Variants in ATXN7 observed in about 807,000 individuals in gnomAD.
ATXN7 encodes ataxin-7.
Under a neutral mutation model 70.5 loss-of-function variants are expected in ATXN7, and 12 were observed. That is an observed-to-expected ratio of 0.17 (90% confidence interval 0.11 to 0.28). The LOEUF (loss-of-function observed/expected upper bound fraction) is 0.28, where lower values mean the gene tolerates loss of function less well. Among genes scored for constraint, ATXN7 ranks in the 10% least tolerant of loss-of-function variants. The probability of loss-of-function intolerance (pLI) is 1.00; values close to 1 mark genes in which losing one functional copy is unlikely to be tolerated. For synonymous variants in ATXN7, 498 were observed against 448.7 expected (o/e 1.11, Z -1.39); for missense variants, 1,256 against 1,131.7 (o/e 1.11, Z -1.58).
intron 4 of ATXN7, among the ~76,000 whole-genome samples, chr3:63,919,796 A>G (rs999281158): frequency 2.4e-5 from 3 of 126,376 alleles, no homozygotes; most frequent in Non-Finnish European, 3.1e-5. Context: ...TTTTTATGGC[A>G]TACACCTGGT....
rs189389331 is a variant in ATXN7 at position 63,890,979 on chromosome 3, A to G, written c.-110-7420A>G. Among the ~76,000 whole-genome samples the G allele has an allele frequency of 2.0e-5, 3 of 152,052 alleles. No individual in the cohort carries two copies. In the East Asian group the frequency reaches 5.8e-4, roughly 29 times the overall value. On this transcript the variant is annotated intron_variant, in intron 1 of 12. Transcript: ENST00000674280. ...CTAGCCCAGAAGTGTGGCACCCAAC[A>G]TTTCTTTTTTTATTTTATTTTATTT...
chr3:63,914,911 T>C (rs553127952), intron 4 of ATXN7, among the ~76,000 whole-genome samples: 1 of 152,234 alleles, frequency 6.6e-6, no homozygotes, highest in African/African-American at 2.4e-5. Context: ...ACATGGATCT[T>C]GTTAGTGTTT....
chr3:63,937,977 T>C (rs531314952), intron 4 of ATXN7, among the ~76,000 whole-genome samples: 1 of 152,314 alleles, frequency 6.6e-6, no homozygotes, highest in South Asian at 2.1e-4. Flanking sequence ...ATGTTTGACA[T>C]GGTAGCTGTT....
At chr3:63,930,438 A>T (rs1204277722) in intron 4 of ATXN7, among the ~76,000 whole-genome samples, 1 of 152,172 alleles carries the variant, frequency 6.6e-6, no homozygotes, top group Non-Finnish European at 1.5e-5. Context: ...GGCCTTGGCC[A>T]TGATTCTGTC....
chr3:63,983,417 A>G (rs1259039137), intron 8 of ATXN7, among the ~76,000 whole-genome samples: 1 of 152,212 alleles, frequency 6.6e-6, no homozygotes, highest in Non-Finnish European at 1.5e-5. Context: ...TGTGTCACCC[A>G]TGGTCTTAAA....
chr3:63,994,076 T>C (rs1214031632), intron 11 of ATXN7, among the ~76,000 whole-genome samples: 2 of 152,174 alleles, frequency 1.3e-5, no homozygotes, highest in Admixed American at 6.5e-5. Flanking sequence ...GATTTAGAAA[T>C]GACTGATGTC....
chr3:63,883,185 A>G (rs1702970127), intron 1 of ATXN7, among the ~76,000 whole-genome samples: 1 of 152,220 alleles, frequency 6.6e-6, no homozygotes, highest in African/African-American at 2.4e-5. Flanking sequence ...AGCACTAGGC[A>G]TGGTGTGCTG....
chr3:63,895,545 C>T (rs1575858898), intron 1 of ATXN7, among the ~76,000 whole-genome samples: 1 of 147,040 alleles, frequency 6.8e-6, no homozygotes, highest in South Asian at 2.1e-4. Flanking sequence ...AAAATAAGCT[C>T]ATTAAAAGGT....
chr3:63,886,375 A>G (rs1248890002), intron 1 of ATXN7, among the ~76,000 whole-genome samples: 1 of 152,216 alleles, frequency 6.6e-6, no homozygotes, highest in Non-Finnish European at 1.5e-5. Context: ...GTATACTTGA[A>G]AATTGCTGAG....
rs59256288 is a variant in ATXN7 at position 63,952,835 on chromosome 3, CTTTTTTTTTTTTTTT to C, written c.499+369_499+383del. On this transcript the variant is annotated intron_variant, in intron 5 of 12. Coordinates refer to ENST00000674280, the MANE Select transcript of ATXN7 (RefSeq NM_001377405.1). ...ACACTCACAATATGGATGCATGGGC[CTTTTTTTTTTTTTTT>C]TTTTTTTTTTTTTTTTAAGGAAATG... is the stretch of plus-strand genomic sequence containing the variant. Among the ~76,000 whole-genome samples the C allele has an allele frequency of 8.9e-3, 439 of 49,206 alleles. 5 individuals are homozygous for C. Among genetic ancestry groups the C allele is most frequent in the African/African-American group, 0.042 (411 of 9,848 alleles). The allele number at this position is 49,206 out of a possible 152,430, so 32.3% of individuals were successfully genotyped here.
chr3:63,990,547 T>C (rs1057197985), intron 10 of ATXN7, 173 bp downstream of exon 10: 1 of 1,155,470 alleles, frequency 8.7e-7, no homozygotes, highest in African/African-American at 1.5e-5. Flanking sequence ...ACGGGGGACA[T>C]CTCGTGCTTT....
chr3:63,895,076 C>G lies in ATXN7; in HGVS notation c.-110-3323C>G, dbSNP rs1302082964. On this transcript the variant is annotated intron_variant, in intron 1 of 12. Coordinates refer to ENST00000674280, the MANE Select transcript of ATXN7 (RefSeq NM_001377405.1). ...TTCCCTGTTATGCCCTCTCCAAGAA[C>G]CTAGGGTGGCAGTCTCACGTTAAAG... Among the ~76,000 whole-genome samples the G allele has an allele frequency of 3.3e-5, 5 of 152,234 alleles. No individual in the cohort carries two copies. The East Asian group carries it at 9.6e-4, about 29-fold the overall frequency.
At chr3:63,884,860 T>C (rs923496555) in intron 1 of ATXN7, among the ~76,000 whole-genome samples, 7 of 151,494 alleles carry the variant, frequency 4.6e-5, no homozygotes, top group Admixed American at 3.3e-4. Flanking sequence ...GATTTTGCCA[T>C]GTTGCCCAAG....
rs1294114153 is a variant in ATXN7 at position 63,913,239 on chromosome 3, C to G, written c.394+14C>G. ...TCTGTCGGGAAGGTGAGTCCAGCCC[C>G]CCTGATGGAGTTTGTACAAACCCCT... On this transcript the variant is annotated intron_variant, in intron 4 of 12. Transcript: ENST00000674280. The G allele has an allele frequency of 1.2e-6, 2 of 1,612,542 alleles. No individual in the cohort carries two copies. Among genetic ancestry groups the G allele is most frequent in the Non-Finnish European group, 1.7e-6 (2 of 1,178,948 alleles).
intron 1 of ATXN7, among the ~76,000 whole-genome samples, chr3:63,884,676 T>G (rs832198): frequency 0.23 from 34,738 of 151,534 alleles, 4,221 homozygotes; most frequent in African/African-American, 0.32. Context: ...GGGGATCAGG[T>G]TCTCCATCTG....
chr3:63,984,406 G>A (rs903114749), intron 8 of ATXN7, among the ~76,000 whole-genome samples: 1 of 152,030 alleles, frequency 6.6e-6, no homozygotes. Flanking sequence ...GTGTAGTGGT[G>A]GTGGTGTATG....
chr3:63,926,379 G>A (rs572113987), intron 4 of ATXN7, among the ~76,000 whole-genome samples: 7 of 152,284 alleles, frequency 4.6e-5, no homozygotes, highest in East Asian at 3.9e-4. Flanking sequence ...TTTCTGAGTC[G>A]TGACTTGTAG....
chr3:63,954,475 G>A (rs919942547), intron 5 of ATXN7, among the ~76,000 whole-genome samples: 3 of 152,210 alleles, frequency 2.0e-5, no homozygotes, highest in Non-Finnish European at 2.9e-5. Context: ...AGTGCCAATC[G>A]GAGTTCCCTG....
At chr3:63,879,221 A>G (rs1004202187) in intron 1 of ATXN7, among the ~76,000 whole-genome samples, 3 of 152,220 alleles carry the variant, frequency 2.0e-5, no homozygotes, top group Non-Finnish European at 4.4e-5. Context: ...CCCTACTCTT[A>G]TCAGAGAAAT....
Sources: gnomAD v4.1 joint callset for allele counts (sites outside exome capture counted in the v4.1 genomes callset) on GRCh38, gnomAD v4.1.1 for gene constraint, MANE v1.5 for transcripts, NCBI Gene and HGNC (gene_info 2026-07-23, HGNC 2026-07-21) for gene names.